The following ZCCHC7 variants were observed in gnomAD, a reference collection of about 807,000 sequenced individuals.
The protein encoded by ZCCHC7 is zinc finger CCHC domain-containing protein 7.
A neutral mutation model predicts 52.0 loss-of-function variants in ZCCHC7; 35 were observed. That is an observed-to-expected ratio of 0.67 (90% confidence interval 0.51 to 0.89). The LOEUF (loss-of-function observed/expected upper bound fraction) is 0.89. Among genes scored for constraint, ZCCHC7 ranks in the 40% least tolerant of loss-of-function variants. The pLI is 0.00. For missense variants in ZCCHC7, 574 were observed against 649.1 expected (o/e 0.88, Z 1.26); for synonymous variants, 217 against 221.5 (o/e 0.98, Z 0.18).
intron 8 of ZCCHC7, 123 bp from the exon 9 acceptor site, chr9:37,356,712 A>T (rs1353560724): frequency 2.3e-6 from 2 of 856,824 alleles, no homozygotes; most frequent in Non-Finnish European, 3.5e-6. Flanking sequence ...TTAGTGAGTG[A>T]TGTCATACTG....
chr9:37,245,622 A>T (rs575984168), intron 2 of ZCCHC7, among the ~76,000 whole-genome samples: 50 of 152,086 alleles, frequency 3.3e-4, no homozygotes, highest in Non-Finnish European at 6.3e-4. Context: ...AAGTACCTTG[A>T]TAGATGAAAA....
intron 5 of ZCCHC7, among the ~76,000 whole-genome samples, chr9:37,325,715 C>G (rs1466070607): frequency 6.6e-6 from 1 of 151,910 alleles, no homozygotes; most frequent in Admixed American, 6.6e-5. Flanking sequence ...TTTTTAACCT[C>G]AAATATAAAT....
At chr9:37,255,828 C>G (rs1050544380) in intron 2 of ZCCHC7, among the ~76,000 whole-genome samples, 1 of 152,044 alleles carries the variant, frequency 6.6e-6, no homozygotes, top group African/African-American at 2.4e-5. Flanking sequence ...TTCTAGAGTG[C>G]AAGAAATGAG....
chr9:37,153,730 C>T (rs549207238), intron 2 of ZCCHC7, among the ~76,000 whole-genome samples: 1 of 151,984 alleles, frequency 6.6e-6, no homozygotes, highest in East Asian at 1.9e-4. Context: ...CAAGATGCTA[C>T]CGCTCATCTT....
rs755961370 is a variant in ZCCHC7 at position 37,126,457 on chromosome 9, C to A, written c.125C>A (p.Ala42Asp). Reference protein sequence around the residue: ...EFQLYSQIHYAQDLDDVIREE... With the variant: ...EFQLYSQIHYDQDLDDVIREE... ...CAACTCTATAGCCAAATTCATTATG[C>A]CCAAGATCTTGATGATGTCATCAGG... Residue 42 changes from alanine to aspartate, a missense_variant, in exon 2 of 9, where the codon GCC (alanine) becomes GAC (aspartate). Physicochemically the swap from Ala to Asp is moderately radical, Grantham distance 126. This residue lies in a region of ZCCHC7 where 403 missense variants were observed against 461.2 expected (regional missense o/e 0.87). Transcript: ENST00000336755. 16 of 1,613,524 alleles carry A rather than the reference C, an allele frequency of 9.9e-6. No homozygotes were observed. In the South Asian group the frequency reaches 1.5e-4, roughly 16 times the overall value.
At chr9:37,295,067 A>C (rs544500122) in intron 2 of ZCCHC7, among the ~76,000 whole-genome samples, 1 of 152,332 alleles carries the variant, frequency 6.6e-6, no homozygotes, top group East Asian at 1.9e-4. Context: ...GATAGAAATT[A>C]CACAGTTAAG....
chr9:37,121,096 C>T (rs1050874527), intron 1 of ZCCHC7, among the ~76,000 whole-genome samples: 13 of 152,068 alleles, frequency 8.5e-5, no homozygotes, highest in Middle Eastern at 3.4e-3. Flanking sequence ...GAGCTGTGAC[C>T]CTTTCCTCAT....
At position 37,196,702 on chromosome 9, in the gene ZCCHC7, CCT is replaced by C. The variant is rs1291437674; in HGVS notation, c.610+69761_610+69762del. On this transcript the variant is annotated intron_variant, in intron 2 of 8. Coordinates refer to ENST00000336755, the MANE Select transcript of ZCCHC7 (RefSeq NM_032226.3). ...TGAGCATTTAAAATTAACTTTTTGC[CCT>C]GTGTTCATTTTTGAATTTCCTGTTT... Among the ~76,000 whole-genome samples the C allele has an allele frequency of 2.1e-4, 32 of 151,706 alleles. 1 individual carries two copies. Among genetic ancestry groups the C allele is most frequent in the Admixed American group, 2.0e-3 (31 of 15,228 alleles).
chr9:37,153,381 G>T (rs1373981287), intron 2 of ZCCHC7, among the ~76,000 whole-genome samples: 3 of 152,110 alleles, frequency 2.0e-5, no homozygotes, highest in Non-Finnish European at 4.4e-5. Flanking sequence ...ATGTTGGCCA[G>T]GCTGGTCTCG....
intron 2 of ZCCHC7, among the ~76,000 whole-genome samples, chr9:37,187,560 T>C (rs1454356481): frequency 6.6e-6 from 1 of 152,210 alleles, no homozygotes; most frequent in East Asian, 1.9e-4. Flanking sequence ...GTCTTGACAG[T>C]ATCATGCACA....
chr9:37,218,795 C>T (rs189353815), intron 2 of ZCCHC7, among the ~76,000 whole-genome samples: 3 of 151,494 alleles, frequency 2.0e-5, no homozygotes, highest in African/African-American at 4.9e-5. Flanking sequence ...GGTGACGGAG[C>T]GAGACTCCTC....
At chr9:37,331,224 C>T (rs534624403) in intron 6 of ZCCHC7, among the ~76,000 whole-genome samples, 6 of 151,418 alleles carry the variant, frequency 4.0e-5, no homozygotes, top group South Asian at 4.1e-4. Context: ...ATTTGTTATC[C>T]GGGAAATGGG....
At chr9:37,250,731 T>A (rs7044356) in intron 2 of ZCCHC7, among the ~76,000 whole-genome samples, 73,148 of 152,022 alleles carry the variant, frequency 0.48, 17,852 homozygotes, top group Non-Finnish European at 0.53. Context: ...TTTTTACTTA[T>A]TTTTTTCATT....
chr9:37,275,573 A>C (rs1827644875), intron 2 of ZCCHC7, among the ~76,000 whole-genome samples: 1 of 152,066 alleles, frequency 6.6e-6, no homozygotes. Context: ...TACATGTAGG[A>C]GTAGAATTGT....
intron 2 of ZCCHC7, among the ~76,000 whole-genome samples, chr9:37,218,901 T>C (rs181965955): frequency 5.8e-4 from 88 of 151,508 alleles, no homozygotes; most frequent in African/African-American, 2.1e-3. Context: ...GCTCTGTAAC[T>C]CTGCAGTCTT....
intron 2 of ZCCHC7, among the ~76,000 whole-genome samples, chr9:37,142,985 A>G (rs1200575067): frequency 2.0e-5 from 3 of 151,798 alleles, no homozygotes; most frequent in Admixed American, 2.0e-4. Flanking sequence ...CCTGGGTTTT[A>G]TTGTGTGTGG....
At chr9:37,337,016 G>C (rs2118390529) in intron 6 of ZCCHC7, among the ~76,000 whole-genome samples, 2 of 152,252 alleles carry the variant, frequency 1.3e-5, no homozygotes, top group Non-Finnish European at 2.9e-5. Flanking sequence ...GAGGGGCCGA[G>C]AAATATTCCT....
intron 2 of ZCCHC7, among the ~76,000 whole-genome samples, chr9:37,173,376 A>G (rs766640983): frequency 6.6e-6 from 1 of 152,258 alleles, no homozygotes; most frequent in South Asian, 2.1e-4. Context: ...TTAACTGTTC[A>G]TATAGCATTT....
chr9:37,261,471 C>T (rs1018968477), intron 2 of ZCCHC7, among the ~76,000 whole-genome samples: 9 of 152,170 alleles, frequency 5.9e-5, no homozygotes, highest in Admixed American at 5.9e-4. Context: ...TAACCTTGGC[C>T]AAAGATATTT....
Sources: allele counts gnomAD v4.1 joint callset (sites outside exome capture counted in the v4.1 genomes callset), GRCh38; gene constraint gnomAD v4.1.1; regional missense constraint gnomAD v4.1.1; transcripts MANE v1.5; gene names NCBI Gene and HGNC (gene_info 2026-07-23, HGNC 2026-07-21).